Variants in CYP4F2 observed in about 807,000 individuals in gnomAD.
CYP4F2 encodes cytochrome P450 4F2.
In CYP4F2, 58 loss-of-function variants were observed where a neutral mutation model predicts 58.9. That is an observed-to-expected ratio of 0.98 (90% CI 0.80 to 1.23). CYP4F2 has a LOEUF of 1.23. CYP4F2 is among the 50% of genes most tolerant of loss of function. The pLI, the probability that CYP4F2 is intolerant of heterozygous loss-of-function variation, is 0.00. For synonymous variants in CYP4F2, 287 were observed against 261.1 expected, an observed-to-expected ratio of 1.10 and a Z score of -0.95; for missense variants, 616 against 685.6, an observed-to-expected ratio of 0.90 and a Z score of 1.13.
At chr19:15,879,932 G>A (rs2089333857) in intron 9 of CYP4F2, 35 bp from the exon 10 acceptor site, 1 of 1,610,294 alleles carries the variant, frequency 6.2e-7, no homozygotes, top group Non-Finnish European at 8.5e-7. Context: ...CCTTATCAAG[G>A]GAGCAAAGAC....
intron 3 of CYP4F2, among the ~76,000 whole-genome samples, chr19:15,894,765 G>A (rs1482683523): frequency 6.6e-6 from 1 of 152,118 alleles, no homozygotes; most frequent in East Asian, 1.9e-4. Context: ...GCTCAGCCTC[G>A]CCCGTCCAAC....
rs781668051 is a variant in CYP4F2 at position 15,890,421 on chromosome 19, G to A, written c.538C>T (p.Leu180Phe). The change falls in exon 6 of 13, where the codon CTC (leucine) becomes TTC (phenylalanine). Residue 180 changes from leucine to phenylalanine, a missense_variant. Coordinates refer to ENST00000221700, the MANE Select transcript of CYP4F2 (RefSeq NM_001082.5). Reference sequence around the variant, plus strand: ...CAGGCACTACCCTCTGAGGCCAGGAGCTGCCACTTGGCCTAGCCAGAGAAG... The same window carrying A: ...CAGGCACTACCCTCTGAGGCCAGGAACTGCCACTTGGCCTAGCCAGAGAAG... ...SVNIMHAKWQ[L>F]LASEGSACLD... The A allele has an allele frequency of 6.2e-7, 1 of 1,613,810 alleles. No homozygotes were observed. The highest frequency in any genetic ancestry group is 1.1e-5 in the South Asian group (1 of 91,086).
Position 15,889,552 on chromosome 19 carries a change from C to A in CYP4F2, c.789G>T (p.Val263=). The A allele has an allele frequency of 6.2e-7, 1 of 1,614,196 alleles. No homozygotes were observed. The highest frequency in any genetic ancestry group is 2.2e-5 in the East Asian group (1 of 44,876). The change falls in exon 7 of 13, where the codon GTG becomes GTT. Residue 263 remains valine (V), a synonymous_variant. Coordinates refer to ENST00000221700, the MANE Select transcript of CYP4F2 (RefSeq NM_001082.5). The part of the protein sequence containing the change: ...GQRFRRACRL[V]HDFTDAVIQE... ...GGATGACGGCATCTGTGAAGTCGTGCACCAGGCGGCAGGCCCTGCGGAAAC... is the reference window on the plus strand; with the variant it reads ...GGATGACGGCATCTGTGAAGTCGTGAACCAGGCGGCAGGCCCTGCGGAAAC...
rs1012426875 is a variant in CYP4F2, at chr19:15,897,435, C to T, written c.177G>A (p.Trp59Ter). 1.9e-6 allele frequency: 3 copies of T among 1,604,312 alleles called. No individual in the cohort carries two copies. Among genetic ancestry groups the T allele is most frequent in the Non-Finnish European group, 2.6e-6 (3 of 1,174,256 alleles). Residue 59 changes from tryptophan (W) to a stop codon, truncating the protein, a stop_gained, in exon 2 of 13, where the codon TGG becomes TGA. Coordinates refer to ENST00000221700, the MANE Select transcript of CYP4F2 (RefSeq NM_001082.5). LOFTEE classifies it high-confidence loss of function. ...TCACCATGCCCTGGTGTCCCCAAAA[C>T]CAGTTCCGTCTTGGGGGTTGTGGGA... ...RCFPQPPRRN[W>*]FWGHQGMVNP... is the part of the protein sequence containing the mutation.
chr19:15,892,319 T>C lies in CYP4F2; in HGVS notation c.515A>G (p.Asn172Ser), dbSNP rs762812527. 2.5e-6 allele frequency: 4 copies of C among 1,614,142 alleles called. No individual in the cohort carries two copies. Among genetic ancestry groups the C allele is most frequent in the Non-Finnish European group, 3.4e-6 (4 of 1,180,024 alleles). ...PYMKIFNESVNIMHAKWQLLA... is the reference protein window; with the variant it reads ...PYMKIFNESVSIMHAKWQLLA... ...CTTCAAATAACTCACGTGCATGATG[T>C]TCACACTCTCATTGAAAATCTTCAT... Residue 172 changes from asparagine to serine, a missense_variant, in exon 5 of 13, where the codon AAC becomes AGC. Asn to Ser is a conservative substitution (Grantham distance 46, BLOSUM62 1). Coordinates refer to ENST00000221700, the MANE Select transcript of CYP4F2 (RefSeq NM_001082.5).
intron 9 of CYP4F2, among the ~76,000 whole-genome samples, chr19:15,881,426 T>C (rs936530977): frequency 4.0e-4 from 61 of 152,082 alleles, no homozygotes; most frequent in African/African-American, 1.5e-3. Flanking sequence ...AGATAGATGA[T>C]AGATTGATAG....
At chr19:15,892,108 A>G (rs2089419492) in intron 5 of CYP4F2, among the ~76,000 whole-genome samples, 1 of 152,208 alleles carries the variant, frequency 6.6e-6, no homozygotes, top group Admixed American at 6.5e-5. Context: ...GCTATGCACC[A>G]GAGACGTGAC....
rs1181781956 is a variant in CYP4F2, at chr19:15,885,837, A to G, written c.1115+87T>C. Reference sequence around the variant, plus strand: ...CCACTAGGCAATAGTGGCAGAATCAACAAAAACAGCTTTTCCTCCCCTCCC... The same window carrying G: ...CCACTAGGCAATAGTGGCAGAATCAGCAAAAACAGCTTTTCCTCCCCTCCC... On this transcript the variant is annotated intron_variant, in intron 9 of 12. Coordinates refer to ENST00000221700, the MANE Select transcript of CYP4F2 (RefSeq NM_001082.5). 5 of 1,534,102 alleles carry G rather than the reference A, an allele frequency of 3.3e-6. No individual in the cohort carries two copies. In the Admixed American group the frequency reaches 5.8e-5, roughly 18 times the overall value.
At position 15,879,363 on chromosome 19, in the gene CYP4F2, G is replaced by A; in HGVS notation, c.1380C>T (p.Pro460=). 6.2e-7 allele frequency: 1 copy of A among 1,614,132 alleles called. No individual in the cohort carries two copies. Among genetic ancestry groups the A allele is most frequent in the Non-Finnish European group, 8.5e-7 (1 of 1,180,018 alleles). ...GCCCTTACCTGGGCCCTGCCGAGAA[G>A]GGAATAAAAGCCAGAGGTGACCTCT... ...IKERSPLAFI[P]FSAGPRNCIG... is the part of the protein sequence containing the mutation. The change falls in exon 12 of 13, where the codon CCC becomes CCT. Residue 460 remains proline (P), a synonymous_variant. Transcript: ENST00000221700.
intron 3 of CYP4F2, among the ~76,000 whole-genome samples, chr19:15,895,036 C>T (rs575496598): frequency 6.6e-6 from 1 of 152,282 alleles, no homozygotes; most frequent in South Asian, 2.1e-4. Flanking sequence ...TGAATACTAA[C>T]GATGTCCAAT....
intron 9 of CYP4F2, among the ~76,000 whole-genome samples, chr19:15,884,021 C>T (rs1490102246): frequency 4.0e-5 from 6 of 151,652 alleles, no homozygotes; most frequent in East Asian, 1.9e-4. Context: ...ATCGTGCCAC[C>T]GCACTTCAGC....
At chr19:15,895,173 T>C (rs1022416656) in intron 3 of CYP4F2, among the ~76,000 whole-genome samples, 1 of 152,164 alleles carries the variant, frequency 6.6e-6, no homozygotes, top group Non-Finnish European at 1.5e-5. Flanking sequence ...TGGGCTGTGA[T>C]CCATCTCCCT....
At chr19:15,881,543 T>C (rs148984845) in intron 9 of CYP4F2, among the ~76,000 whole-genome samples, 3,948 of 150,400 alleles carry the variant, frequency 0.026, 103 homozygotes, top group Admixed American at 0.049. Context: ...TAGATAGGTA[T>C]ATAGATACAT....
At chr19:15,881,499 T>C (rs933559932) in intron 9 of CYP4F2, among the ~76,000 whole-genome samples, 3 of 151,666 alleles carry the variant, frequency 2.0e-5, no homozygotes, top group Non-Finnish European at 2.9e-5. Flanking sequence ...ACATAGATGA[T>C]AGAAACAGAG....
In CYP4F2 at chr19:15,883,585, AAAAGTAGAACT is replaced by A. The variant is rs1383652716; in HGVS notation, c.1115+2328_1115+2338del. On this transcript the variant is annotated intron_variant, in intron 9 of 12. Coordinates refer to ENST00000221700, the MANE Select transcript of CYP4F2 (RefSeq NM_001082.5). ...CAGCACAGAGGTTCCTCAAGAAACT[AAAAGTAGAACT>A]AACATATAACCCAGAAATTCCACTA... Among the ~76,000 whole-genome samples the A allele has an allele frequency of 3.9e-5, 6 of 152,350 alleles. No individual in the cohort carries two copies. In the East Asian group the frequency reaches 1.2e-3, roughly 29 times the overall value.
chr19:15,890,525 A>G, intron 5 of CYP4F2, 92 bp from the exon 6 acceptor site: 7 of 1,549,900 alleles, frequency 4.5e-6, no homozygotes, highest in Non-Finnish European at 6.1e-6. Flanking sequence ...CCCCAGAATA[A>G]GCCTCTTCAT....
intron 9 of CYP4F2, among the ~76,000 whole-genome samples, chr19:15,885,333 C>T (rs2089371134): frequency 1.3e-5 from 2 of 152,286 alleles, no homozygotes; most frequent in South Asian, 2.1e-4. Flanking sequence ...CCAGGGACAG[C>T]TCCACCACCA....
chr19:15,885,607 CA>C (rs371428949), intron 9 of CYP4F2, among the ~76,000 whole-genome samples: 5 of 151,690 alleles, frequency 3.3e-5, no homozygotes, highest in South Asian at 2.1e-4. Context: ...TGAAGATGTT[CA>C]AAAAAAATGA....
chr19:15,891,465 A>G (rs957130675), intron 5 of CYP4F2, among the ~76,000 whole-genome samples: 1 of 136,150 alleles, frequency 7.3e-6, no homozygotes, highest in Non-Finnish European at 1.7e-5. Flanking sequence ...TTTGCAAGTT[A>G]AAAAAAAAAT....
Sources: allele counts gnomAD v4.1 joint callset (sites outside exome capture counted in the v4.1 genomes callset), GRCh38; gene constraint gnomAD v4.1.1; transcripts MANE v1.5; gene names NCBI Gene and HGNC (gene_info 2026-07-23, HGNC 2026-07-21).